Variants in EYS observed in about 807,000 individuals in gnomAD.
EYS encodes the protein EGF-like photoreceptor maintenance factor.
A neutral mutation model predicts 282.1 loss-of-function variants in EYS; 250 were observed. The ratio of observed to expected loss-of-function variants is 0.89; its 90% CI spans 0.80 to 0.98. The LOEUF (loss-of-function observed/expected upper bound fraction) is 0.98. Ranked by LOEUF, EYS falls within the 50% of genes least tolerant of loss-of-function variation. EYS has a pLI of 0.00. For missense variants in EYS, 4,016 were observed against 3,709.0 expected (o/e 1.08, Z -2.15); for synonymous variants, 1,355 against 1,282.9 (o/e 1.06, Z -1.20).
chr6:65,072,284 C>A (rs537199519), intron 12 of EYS, among the ~76,000 whole-genome samples: 3 of 151,654 alleles, frequency 2.0e-5, no homozygotes, highest in Non-Finnish European at 4.4e-5. Flanking sequence ...ACAGAGAAGA[C>A]TAGACAATAG....
intron 12 of EYS, among the ~76,000 whole-genome samples, chr6:65,207,563 T>G (rs1486983374): frequency 4.0e-5 from 6 of 151,726 alleles, no homozygotes; most frequent in Non-Finnish European, 7.4e-5. Flanking sequence ...AGAGCCTAAA[T>G]AGCAAAAACA....
chr6:65,618,870 C>A (rs375128287), intron 2 of EYS, among the ~76,000 whole-genome samples: 1 of 152,038 alleles, frequency 6.6e-6, no homozygotes, highest in East Asian at 1.9e-4. Flanking sequence ...TGTAGATATG[C>A]GGCATTATTT....
At chr6:64,960,579 T>C (rs1302386723) in intron 14 of EYS, among the ~76,000 whole-genome samples, 1 of 152,196 alleles carries the variant, frequency 6.6e-6, no homozygotes, top group East Asian at 1.9e-4. Flanking sequence ...CTGAGTCTGT[T>C]CCCAAAATCT....
At chr6:65,371,992 GTAAA>G (rs1765172448) in intron 8 of EYS, among the ~76,000 whole-genome samples, 1 of 123,878 alleles carries the variant, frequency 8.1e-6, no homozygotes. Context: ...GAGGATAATT[GTAAA>G]AAAAAAAAAA....
chr6:64,886,779 A>G lies in EYS; in HGVS notation c.2910T>C (p.Cys970=), dbSNP rs1562243078. ...CTTCATCTAGACAAGGTGAGATTTT[A>G]CATTTATTTACATCAAGTTCACAGA... ...GPFCELDVNK[C]KISPCLDEEN... is the part of the protein sequence containing the mutation. Residue 970 remains cysteine, a synonymous_variant, in exon 19 of 43, where the codon TGT becomes TGC. Transcript: ENST00000503581. 1 of 1,546,806 alleles carries G rather than the reference A, an allele frequency of 6.5e-7. No individual in the cohort carries two copies. Among genetic ancestry groups the G allele is most frequent in the East Asian group, 2.5e-5 (1 of 40,656 alleles).
intron 12 of EYS, among the ~76,000 whole-genome samples, chr6:65,250,073 G>A (rs756705301): frequency 2.0e-5 from 3 of 151,950 alleles, no homozygotes; most frequent in East Asian, 1.9e-4. Flanking sequence ...CTCAAAAAAT[G>A]TGCTGGCAGA....
intron 1 of EYS, among the ~76,000 whole-genome samples, chr6:65,685,853 C>T (rs1768995884): frequency 6.6e-6 from 1 of 152,042 alleles, no homozygotes; most frequent in Admixed American, 6.6e-5. Context: ...ATTCTAATGC[C>T]TTCAATCCTC....
chr6:63,863,744 C>T (rs1428459533), intron 36 of EYS, among the ~76,000 whole-genome samples: 9 of 138,908 alleles, frequency 6.5e-5, no homozygotes, highest in African/African-American at 2.7e-5. Flanking sequence ...GGTGCAATTT[C>T]GGCTCACTGC....
intron 31 of EYS, among the ~76,000 whole-genome samples, chr6:64,161,701 T>A (rs530845099): frequency 2.0e-5 from 3 of 152,168 alleles, no homozygotes; most frequent in Non-Finnish European, 4.4e-5. Context: ...AAAGAATGTT[T>A]CATTAGAAAA....
chr6:64,972,587 G>A (rs1216742921), intron 14 of EYS, among the ~76,000 whole-genome samples: 2 of 152,112 alleles, frequency 1.3e-5, no homozygotes, highest in East Asian at 3.9e-4. Context: ...TTAATGAATA[G>A]TAGATATATT....
chr6:64,491,601 G>A (rs376607455), intron 26 of EYS, among the ~76,000 whole-genome samples: 30 of 150,832 alleles, frequency 2.0e-4, no homozygotes, highest in East Asian at 1.8e-3. Context: ...CAACTTTAAC[G>A]GCTAATGTAA....
At chr6:65,605,663 A>G (rs996481132) in intron 2 of EYS, among the ~76,000 whole-genome samples, 2 of 151,914 alleles carry the variant, frequency 1.3e-5, no homozygotes, top group African/African-American at 4.8e-5. Context: ...ATTTGATTAA[A>G]TACATTTGGT....
At chr6:65,450,236 T>C (rs969817508) in intron 5 of EYS, among the ~76,000 whole-genome samples, 1 of 152,160 alleles carries the variant, frequency 6.6e-6, no homozygotes, top group African/African-American at 2.4e-5. Context: ...ACAGATTTTA[T>C]AGCATTTTTT....
At chr6:64,890,587 C>A (rs928699231) in intron 18 of EYS, among the ~76,000 whole-genome samples, 1 of 152,202 alleles carries the variant, frequency 6.6e-6, no homozygotes, top group African/African-American at 2.4e-5. Context: ...TTTTTGCTTC[C>A]ATGCCCATCC....
At position 65,433,158 on chromosome 6, in the gene EYS, A is replaced by G. The variant is rs546413564; in HGVS notation, c.863-27791T>C. 2.0e-5 allele frequency among the ~76,000 whole-genome samples: 3 copies of G among 152,302 alleles called. No homozygotes were observed. In the South Asian group the frequency reaches 6.2e-4, roughly 32 times the overall value. ...TCTATTGAGCCTTTTCAGGTTATGG[A>G]TTGTTTTTAAATATATAAAACTAGA... On this transcript the variant is annotated intron_variant, in intron 5 of 42. Transcript: ENST00000503581.
intron 12 of EYS, among the ~76,000 whole-genome samples, chr6:65,236,328 T>C (rs1338475781): frequency 6.6e-6 from 1 of 152,114 alleles, no homozygotes. Context: ...ACCCGTAAAA[T>C]GGGTCTGGCA....
At chr6:64,698,116 A>C (rs1448940016) in intron 22 of EYS, among the ~76,000 whole-genome samples, 1 of 152,180 alleles carries the variant, frequency 6.6e-6, no homozygotes, top group Non-Finnish European at 1.5e-5. Context: ...TAAGAAGCAA[A>C]ATTTTAAACA....
At position 65,642,482 on chromosome 6, in the gene EYS, C is replaced by CT. The variant is rs1237016793; in HGVS notation, c.-447-2591dup. Among the ~76,000 whole-genome samples the CT allele has an allele frequency of 2.0e-5, 3 of 151,980 alleles. No homozygotes were observed. In the East Asian group the frequency reaches 5.8e-4, roughly 29 times the overall value. The stretch of plus-strand genomic sequence containing the variant: ...TTTGAATACGTTAGATTACTGAAGC[C>CT]TCCAGACTTTTAAAATTGGGCTACA... On this transcript the variant is annotated intron_variant, in intron 1 of 42. Coordinates refer to ENST00000503581, the MANE Select transcript of EYS (RefSeq NM_001142800.2).
intron 24 of EYS, among the ~76,000 whole-genome samples, chr6:64,601,521 C>T (rs1399888765): frequency 6.6e-6 from 1 of 152,022 alleles, no homozygotes; most frequent in Non-Finnish European, 1.5e-5. Flanking sequence ...GCTAATTTTT[C>T]TTTCATAACA....
Sources: allele counts gnomAD v4.1 joint callset (sites outside exome capture counted in the v4.1 genomes callset), GRCh38; gene constraint gnomAD v4.1.1; transcripts MANE v1.5; gene names NCBI Gene and HGNC (gene_info 2026-07-23, HGNC 2026-07-21).